Variants in MAP2K5 observed in about 807,000 individuals in gnomAD.
The protein encoded by MAP2K5 is dual specificity mitogen-activated protein kinase kinase 5.
MAP2K5 carries 49 observed loss-of-function variants against 83.1 expected under a neutral mutation model. The ratio of observed to expected loss-of-function variants is 0.59; its 90% confidence interval spans 0.47 to 0.75. The LOEUF (loss-of-function observed/expected upper bound fraction) is 0.75. Ranked by LOEUF, MAP2K5 falls within the 30% of genes least tolerant of loss-of-function variation. MAP2K5 has a pLI of 0.00. For synonymous variants in MAP2K5, 202 were observed against 191.8 expected, an observed-to-expected ratio of 1.05 and a Z score of -0.44; for missense variants, 457 against 557.5, an observed-to-expected ratio of 0.82 and a Z score of 1.82.
Position 67,780,149 on chromosome 15 carries a change from T to C in MAP2K5, c.1242+7397T>C, listed in dbSNP as rs573798168. Among the ~76,000 whole-genome samples the C allele has an allele frequency of 1.3e-5, 2 of 152,260 alleles. No homozygotes were observed. Among genetic ancestry groups the C allele is most frequent in the Middle Eastern group, 3.4e-3 (1 of 294 alleles). ...CATCTTATGGCCACAAGTTAGTCCATGTAGTACAGCGGCTCTCAACACTAG... is the reference window on the plus strand; with the variant it reads ...CATCTTATGGCCACAAGTTAGTCCACGTAGTACAGCGGCTCTCAACACTAG... On this transcript the variant is annotated intron_variant, in intron 21 of 21. Transcript: ENST00000178640. The surrounding 1 kb of genome is among the most constrained non-coding windows in gnomAD (Gnocchi z 5.0).
intron 8 of MAP2K5, among the ~76,000 whole-genome samples, chr15:67,606,136 A>G (rs1318443506): frequency 6.6e-6 from 1 of 152,210 alleles, no homozygotes. Flanking sequence ...ATATCATTTG[A>G]TGGAGTCACT....
intron 3 of MAP2K5, among the ~76,000 whole-genome samples, chr15:67,579,897 C>G (rs991360474): frequency 6.6e-6 from 1 of 152,164 alleles, no homozygotes; most frequent in African/African-American, 2.4e-5. Flanking sequence ...AAAGGATGTT[C>G]TGCTCTTTGA....
chr15:67,657,687 C>G (rs553104966), intron 11 of MAP2K5, among the ~76,000 whole-genome samples: 60 of 151,714 alleles, frequency 4.0e-4, no homozygotes, highest in African/African-American at 1.4e-3. Context: ...TTTTCTCTAT[C>G]TGCTTTAAAT....
chr15:67,669,841 A>C (rs2087483319), intron 13 of MAP2K5, among the ~76,000 whole-genome samples: 1 of 152,200 alleles, frequency 6.6e-6, no homozygotes, highest in Non-Finnish European at 1.5e-5. Flanking sequence ...CAGAGCAATT[A>C]GAATTCTCAT....
intron 8 of MAP2K5, among the ~76,000 whole-genome samples, chr15:67,616,020 C>G (rs2086046590): frequency 2.0e-5 from 3 of 152,080 alleles, no homozygotes; most frequent in African/African-American, 7.2e-5. Context: ...ATAGTTTAAC[C>G]CCCTCGATTT....
intron 13 of MAP2K5, among the ~76,000 whole-genome samples, chr15:67,686,264 A>G (rs1418681628): frequency 1.3e-5 from 2 of 152,172 alleles, no homozygotes; most frequent in Non-Finnish European, 2.9e-5. Flanking sequence ...TATTTCAATT[A>G]TAATGACAGA....
chr15:67,679,465 A>G (rs2087762667), intron 13 of MAP2K5, among the ~76,000 whole-genome samples: 1 of 152,182 alleles, frequency 6.6e-6, no homozygotes, highest in Non-Finnish European at 1.5e-5. Flanking sequence ...TTGGTGGACC[A>G]AATTTTTCAT....
At chr15:67,707,831 C>CT (rs2088593170) in intron 16 of MAP2K5, among the ~76,000 whole-genome samples, 1 of 152,196 alleles carries the variant, frequency 6.6e-6, no homozygotes, top group Non-Finnish European at 1.5e-5. Flanking sequence ...CCTGTAAACA[C>CT]TTAAGGAGAG....
At chr15:67,634,407 A>AAAAAAAAAAAAT (rs1467605447) in intron 9 of MAP2K5, among the ~76,000 whole-genome samples, 1 of 135,280 alleles carries the variant, frequency 7.4e-6, no homozygotes, top group Non-Finnish European at 1.6e-5. Flanking sequence ...AAAAAAAAAA[A>AAAAAAAAAAAAT]AAGAATGTAT....
intron 3 of MAP2K5, among the ~76,000 whole-genome samples, chr15:67,570,483 TC>T (rs1567279809): frequency 6.6e-6 from 1 of 152,052 alleles, no homozygotes; most frequent in African/African-American, 2.4e-5. Context: ...TATTGAGGAG[TC>T]AGAGCCTGAA....
intron 7 of MAP2K5, among the ~76,000 whole-genome samples, chr15:67,598,073 C>T (rs567513582): frequency 4.6e-5 from 7 of 151,818 alleles, no homozygotes; most frequent in South Asian, 4.2e-4. Flanking sequence ...GGCATGGTGG[C>T]GTGTGCCTGT....
intron 13 of MAP2K5, among the ~76,000 whole-genome samples, chr15:67,689,360 C>G (rs2088039901): frequency 6.6e-6 from 1 of 152,092 alleles, no homozygotes; most frequent in East Asian, 1.9e-4. Flanking sequence ...AAGATAGTGA[C>G]TTTGATGGCC....
intron 21 of MAP2K5, among the ~76,000 whole-genome samples, chr15:67,800,706 G>T (rs999878765): frequency 6.6e-6 from 1 of 152,184 alleles, no homozygotes; most frequent in Non-Finnish European, 1.5e-5. Flanking sequence ...GGACCACACT[G>T]TATCCCCCAC....
intron 19 of MAP2K5, among the ~76,000 whole-genome samples, chr15:67,752,756 G>A (rs1294088107): frequency 2.6e-5 from 4 of 151,774 alleles, no homozygotes; most frequent in East Asian, 1.9e-4. Context: ...ATATTGTTAC[G>A]ATGGAAATAC....
chr15:67,687,255 TA>T (rs1406583243), intron 13 of MAP2K5, among the ~76,000 whole-genome samples: 60 of 152,368 alleles, frequency 3.9e-4, no homozygotes, highest in African/African-American at 1.4e-3. Flanking sequence ...AACCAGGCTG[TA>T]TTGGATTGGT....
Position 67,720,933 on chromosome 15 carries a change from A to G in MAP2K5, c.1045-6983A>G, listed in dbSNP as rs953569760. Among the ~76,000 whole-genome samples the G allele has an allele frequency of 6.6e-6, 1 of 152,204 alleles. No individual in the cohort carries two copies. The highest frequency in any genetic ancestry group is 2.4e-5 in the African/African-American group (1 of 41,450). On this transcript the variant is annotated intron_variant, in intron 16 of 21. Transcript: ENST00000178640. This position sits in a 1 kb window ranked among gnomAD's most constrained non-coding sequence, Gnocchi z 5.7. Reference sequence around the variant, plus strand: ...ACAGTTTGCCCAGGTTGAGACCTCAATGTATCACGCTTTTCAGCATTCATG... The same window carrying G: ...ACAGTTTGCCCAGGTTGAGACCTCAGTGTATCACGCTTTTCAGCATTCATG...
Position 67,755,861 on chromosome 15 carries a change from C to T in MAP2K5, c.1134+7260C>T, listed in dbSNP as rs2089824148. On this transcript the variant is annotated intron_variant, in intron 19 of 21. Transcript: ENST00000178640. This position sits in a 1 kb window ranked among gnomAD's most constrained non-coding sequence, Gnocchi z 4.7. ...AGTCTGTTTCCATCTTAAGCAAATC[C>T]ACTTTAGTCCTTCTTATCATCAGGG... is the stretch of plus-strand genomic sequence containing the variant. Among the ~76,000 whole-genome samples the T allele has an allele frequency of 6.6e-6, 1 of 152,152 alleles. No individual in the cohort carries two copies. The highest frequency in any genetic ancestry group is 2.4e-5 in the African/African-American group (1 of 41,404).
chr15:67,642,463 A>C, intron 9 of MAP2K5: 2 of 1,608,748 alleles, frequency 1.2e-6, no homozygotes, highest in Non-Finnish European at 1.7e-6. Flanking sequence ...ATTGAGGGCC[A>C]GAGCTAGAGA....
intron 16 of MAP2K5, among the ~76,000 whole-genome samples, chr15:67,721,773 G>A (rs2088965057): frequency 6.6e-6 from 1 of 152,090 alleles, no homozygotes; most frequent in Non-Finnish European, 1.5e-5. Context: ...AAATACGTGT[G>A]GGTTCACTAT....
Sources: gnomAD v4.1 joint callset for allele counts (sites outside exome capture counted in the v4.1 genomes callset) on GRCh38, gnomAD v4.1.1 for gene constraint, Gnocchi (gnomAD v3.1) non-coding constraint, MANE v1.5 for transcripts, NCBI Gene and HGNC (gene_info 2026-07-23, HGNC 2026-07-21) for gene names.